The following HERC3 variants were observed in gnomAD, a reference collection of about 807,000 sequenced individuals.
HERC3 encodes the protein HECT and RLD domain containing E3 ubiquitin protein ligase 3.
Under a neutral mutation model 129.9 loss-of-function variants are expected in HERC3, and 58 were observed. The ratio of observed to expected loss-of-function variants is 0.45; its 90% CI spans 0.36 to 0.56. The LOEUF (loss-of-function observed/expected upper bound fraction) is 0.56. HERC3 is among the 20% of genes least tolerant of loss of function. The pLI, the probability that HERC3 is intolerant of heterozygous loss-of-function variation, is 0.00. For missense variants in HERC3, 835 were observed against 1,244.2 expected (o/e 0.67, Z 4.95); for synonymous variants, 430 against 451.0 (o/e 0.95, Z 0.59).
At position 88,602,051 on chromosome 4, in the gene HERC3, G is replaced by A. The variant is rs1239874361; in HGVS notation, c.-29-3744G>A. On this transcript the variant is annotated intron_variant, in intron 2 of 25. Coordinates refer to ENST00000402738, the MANE Select transcript of HERC3 (RefSeq NM_014606.3). ...AGCCTGGGCGACAGAGCGAGACTCC[G>A]TCTCAAAAAAAAAAAAAAAAAAGAA... 8.7e-5 allele frequency among the ~76,000 whole-genome samples: 6 copies of A among 69,350 alleles called. 2 individuals are homozygous for A. In the African/African-American group the frequency reaches 1.4e-3, roughly 17 times the overall value. The allele number at this position is 69,350 out of a possible 152,430, so 45.5% of individuals were successfully genotyped here.
intron 3 of HERC3, among the ~76,000 whole-genome samples, chr4:88,642,966 C>T (rs988072920): frequency 5.3e-5 from 8 of 151,956 alleles, no homozygotes; most frequent in Non-Finnish European, 1.0e-4. Context: ...AGAAAAAAAA[C>T]CATCTCTATT....
chr4:88,636,761 A>G (rs1295776575), intron 3 of HERC3, among the ~76,000 whole-genome samples: 1 of 152,224 alleles, frequency 6.6e-6, no homozygotes, highest in African/African-American at 2.4e-5. Context: ...ACCTCAGCAA[A>G]TGCAAAATAA....
intron 7 of HERC3, among the ~76,000 whole-genome samples, chr4:88,654,365 TATATATATATATATATATATATAC>T (rs1245912906): frequency 1.3e-5 from 1 of 79,928 alleles, no homozygotes; most frequent in African/African-American, 6.4e-5. Context: ...TATATATATA[TATATATATATATATATATATATAC>T]ACACACACAC....
intron 2 of HERC3, among the ~76,000 whole-genome samples, chr4:88,602,473 C>T (rs562206895): frequency 6.7e-6 from 1 of 148,210 alleles, no homozygotes; most frequent in South Asian, 2.2e-4. Flanking sequence ...TAAGACCAAT[C>T]TTCTGCATTG....
At chr4:88,638,634 G>A (rs375806040) in intron 3 of HERC3, among the ~76,000 whole-genome samples, 2 of 151,550 alleles carry the variant, frequency 1.3e-5, no homozygotes, top group Admixed American at 6.6e-5. Flanking sequence ...AGCCAGTATC[G>A]TACTGAATAG....
intron 3 of HERC3, among the ~76,000 whole-genome samples, chr4:88,648,295 C>G (rs1214136477): frequency 6.6e-6 from 1 of 152,146 alleles, no homozygotes; most frequent in Non-Finnish European, 1.5e-5. Flanking sequence ...TCCTTCCTGT[C>G]TGTGTAAGAT....
Position 88,652,810 on chromosome 4 carries a change from A to T in HERC3, c.464-59A>T, listed in dbSNP as rs1040869550. On this transcript the variant is annotated intron_variant, in intron 5 of 25. Coordinates refer to ENST00000402738, the MANE Select transcript of HERC3 (RefSeq NM_014606.3). ...GGCAAATGACCCTAATAACTAGATTATTTTTGTGTGTGGAGCTTGTATCAT... is the reference window on the plus strand; with the variant it reads ...GGCAAATGACCCTAATAACTAGATTTTTTTTGTGTGTGGAGCTTGTATCAT... 1.5e-5 allele frequency: 23 copies of T among 1,522,432 alleles called. 1 individual carries two copies. The South Asian group carries it at 1.6e-4, about 10-fold the overall frequency. 94.3% of individuals were successfully genotyped at this position (1,522,432 alleles called of 1,614,324 possible).
chr4:88,604,926 T>C (rs1291674033), intron 2 of HERC3, among the ~76,000 whole-genome samples: 1 of 152,154 alleles, frequency 6.6e-6, no homozygotes, highest in African/African-American at 2.4e-5. Flanking sequence ...GTGGTGTGAA[T>C]TGGTAGCGAG....
intron 3 of HERC3, among the ~76,000 whole-genome samples, chr4:88,618,248 A>C (rs1313314760): frequency 6.6e-6 from 1 of 152,182 alleles, no homozygotes; most frequent in Non-Finnish European, 1.5e-5. Context: ...CAATGTCTTT[A>C]TGAGTGCCAG....
At position 88,658,482 on chromosome 4, in the gene HERC3, C is replaced by G; in HGVS notation, c.1137C>G (p.Ser379=). The G allele has an allele frequency of 6.3e-7, 1 of 1,584,058 alleles. No homozygotes were observed. Among genetic ancestry groups the G allele is most frequent in the Non-Finnish European group, 8.6e-7 (1 of 1,156,276 alleles). The stretch of plus-strand genomic sequence containing the variant: ...GAGACCAGACTTTTGTACTTTGCTC[C>G]AAATACGAGGTAAAATTTTTCTTGT... ...SGGDQTFVLC[S]KYENYSPAVD... is the part of the protein sequence containing the mutation. Residue 379 remains serine (S), a synonymous_variant, in exon 10 of 26, where the codon TCC becomes TCG. Coordinates refer to ENST00000402738, the MANE Select transcript of HERC3 (RefSeq NM_014606.3).
At chr4:88,559,484 T>C in the HERC3 span, among the ~76,000 whole-genome samples, 1 of 152,212 alleles carries the variant, frequency 6.6e-6, no homozygotes, top group African/African-American at 2.4e-5. Flanking sequence ...TCTATCTCTG[T>C]ATAGTTGTTG....
chr4:88,535,897 A>G, the HERC3 span, among the ~76,000 whole-genome samples: 2 of 152,354 alleles, frequency 1.3e-5, no homozygotes, highest in African/African-American at 2.4e-5. Flanking sequence ...AAATAATGCA[A>G]ATGTTTCTTA....
chr4:88,544,290 C>T, the HERC3 span, among the ~76,000 whole-genome samples: 1 of 152,172 alleles, frequency 6.6e-6, no homozygotes, highest in African/African-American at 2.4e-5. Context: ...CAAAAGAAGA[C>T]ATTTGTGCAG....
At position 88,657,543 on chromosome 4, in the gene HERC3, G is replaced by A. The variant is rs1215204809; in HGVS notation, c.1070-872G>A. 3 of 152,212 alleles carry A rather than the reference G, an allele frequency of 2.0e-5. No individual in the cohort carries two copies. The East Asian group carries it at 5.8e-4, about 29-fold the overall frequency. 9.4% of individuals were successfully genotyped at this position (152,212 alleles called of 1,614,324 possible). A position where few individuals can be genotyped will look rare whatever the true frequency, so the allele number is the denominator to read the frequency against. ...AGTTTACCAACTCAGGTGTTTTTTG[G>A]TTATTTCAAAACCACAAATTTTTGA... On this transcript the variant is annotated intron_variant, in intron 9 of 25. Transcript: ENST00000402738.
chr4:88,533,788 T>C, the HERC3 span, among the ~76,000 whole-genome samples: 1 of 152,362 alleles, frequency 6.6e-6, no homozygotes, highest in East Asian at 1.9e-4. Flanking sequence ...TTATCTCTAC[T>C]TTTCTAACAT....
the HERC3 span, among the ~76,000 whole-genome samples, chr4:88,570,282 CAT>C: frequency 6.6e-6 from 1 of 151,922 alleles, no homozygotes; most frequent in African/African-American, 2.4e-5. Flanking sequence ...AAATAAGAAA[CAT>C]AAATTCTGAA....
At chr4:88,631,313 G>A (rs919621715) in intron 3 of HERC3, among the ~76,000 whole-genome samples, 1 of 152,140 alleles carries the variant, frequency 6.6e-6, no homozygotes, top group Non-Finnish European at 1.5e-5. Context: ...AAATTAGCCA[G>A]GCGTTGTGGT....
intron 23 of HERC3, among the ~76,000 whole-genome samples, chr4:88,689,644 C>T (rs1375734200): frequency 1.3e-4 from 20 of 150,092 alleles, no homozygotes; most frequent in African/African-American, 4.7e-4. Flanking sequence ...GTGGTGCAAT[C>T]TCGGCTCACT....
intron 3 of HERC3, among the ~76,000 whole-genome samples, chr4:88,629,528 T>C (rs973380914): frequency 6.6e-6 from 1 of 152,218 alleles, no homozygotes; most frequent in African/African-American, 2.4e-5. Flanking sequence ...GTTAATGCAG[T>C]GTACATTATT....
Sources: allele counts gnomAD v4.1 joint callset (sites outside exome capture counted in the v4.1 genomes callset), GRCh38; gene constraint gnomAD v4.1.1; transcripts MANE v1.5; gene names NCBI Gene and HGNC (gene_info 2026-07-23, HGNC 2026-07-21).